PTPRN2: variants seen among roughly 807,000 people sequenced by gnomAD.
The protein encoded by PTPRN2 is receptor-type tyrosine-protein phosphatase N2.
In PTPRN2, 74 loss-of-function variants were observed where a neutral mutation model predicts 118.8. The ratio of observed to expected loss-of-function variants is 0.62; its 90% confidence interval spans 0.52 to 0.76. The LOEUF is 0.76. Ranked by LOEUF, PTPRN2 falls within the 30% of genes least tolerant of loss-of-function variation. The pLI is 0.00. For missense variants in PTPRN2, 1,481 were observed against 1,394.4 expected, an observed-to-expected ratio of 1.06 and a Z score of -0.99; for synonymous variants, 641 against 608.0, an observed-to-expected ratio of 1.05 and a Z score of -0.80.
chr7:158,119,192 C>T (rs1816953520), intron 9 of PTPRN2, among the ~76,000 whole-genome samples: 1 of 152,158 alleles, frequency 6.6e-6, no homozygotes, highest in South Asian at 2.1e-4. Context: ...CAAACAATAC[C>T]ATTTAAAAAT....
At chr7:157,540,856 C>A in intron 22 of PTPRN2, 71 bp from the exon 23 acceptor site, 1 of 1,275,714 alleles carries the variant, frequency 7.8e-7, no homozygotes, top group Non-Finnish European at 1.1e-6. Context: ...AGCGTCGGCT[C>A]CCTGCAGATG....
At chr7:158,235,827 A>AT (rs34028093) in intron 3 of PTPRN2, among the ~76,000 whole-genome samples, 1 of 152,208 alleles carries the variant, frequency 6.6e-6, no homozygotes, top group Non-Finnish European at 1.5e-5. Flanking sequence ...ATACAATGGT[A>AT]TTAAATTATC....
intron 12 of PTPRN2, among the ~76,000 whole-genome samples, chr7:157,696,408 A>G (rs1797777930): frequency 1.6e-5 from 2 of 122,188 alleles, no homozygotes; most frequent in African/African-American, 6.7e-5. Context: ...ACTGGGTCTT[A>G]GTAGAGCCCT....
chr7:157,662,705 G>A (rs1795951754), intron 13 of PTPRN2, among the ~76,000 whole-genome samples: 1 of 152,164 alleles, frequency 6.6e-6, no homozygotes, highest in Admixed American at 6.5e-5. Flanking sequence ...GAGAGAGAAG[G>A]GGCCGCCACT....
intron 13 of PTPRN2, among the ~76,000 whole-genome samples, chr7:157,679,515 T>C (rs1209432896): frequency 1.3e-5 from 2 of 152,240 alleles, no homozygotes; most frequent in Admixed American, 1.3e-4. Context: ...TCTAACATCC[T>C]GACCCTGTCC....
chr7:158,075,905 C>T (rs1327642075), intron 11 of PTPRN2, among the ~76,000 whole-genome samples: 1 of 152,236 alleles, frequency 6.6e-6, no homozygotes, highest in East Asian at 1.9e-4. Flanking sequence ...ACACAGCGGC[C>T]CACGTGCAGC....
At chr7:158,409,234 T>C (rs115092788) in intron 2 of PTPRN2, among the ~76,000 whole-genome samples, 3,070 of 152,300 alleles carry the variant, frequency 0.02, 86 homozygotes, top group African/African-American at 0.069. Flanking sequence ...TGGCAGATCC[T>C]GTGGGGCCCA....
intron 11 of PTPRN2, 21 bp from the exon 12 acceptor site, chr7:157,898,758 G>C: frequency 6.3e-7 from 1 of 1,576,388 alleles, no homozygotes; most frequent in African/African-American, 1.3e-5. Flanking sequence ...AAATCAGAAA[G>C]CACAAGAGTC....
intron 10 of PTPRN2, among the ~76,000 whole-genome samples, chr7:158,102,096 G>A (rs780104220): frequency 1.9e-4 from 29 of 152,278 alleles, no homozygotes; most frequent in Admixed American, 2.6e-4. Context: ...GGCAGGCACT[G>A]AGCCCAGGTG....
chr7:157,752,152 G>A (rs1801508700), intron 12 of PTPRN2, among the ~76,000 whole-genome samples: 1 of 152,244 alleles, frequency 6.6e-6, no homozygotes, highest in Non-Finnish European at 1.5e-5. Flanking sequence ...CCACCTGCCT[G>A]CTGTGTCTGC....
chr7:157,597,470 A>ATGTGTG (rs111696000), intron 16 of PTPRN2, among the ~76,000 whole-genome samples: 8 of 123,992 alleles, frequency 6.5e-5, no homozygotes, highest in African/African-American at 2.7e-4. Flanking sequence ...TCCTTCTGAA[A>ATGTGTG]TGTGTGTGTG....
chr7:158,054,536 T>C (rs1809633151), intron 11 of PTPRN2, among the ~76,000 whole-genome samples: 1 of 152,244 alleles, frequency 6.6e-6, no homozygotes, highest in African/African-American at 2.4e-5. Context: ...TGATTATTCA[T>C]GCAACGAACA....
chr7:157,970,234 T>C (rs544187848), intron 11 of PTPRN2, among the ~76,000 whole-genome samples: 71 of 152,184 alleles, frequency 4.7e-4, no homozygotes, highest in Non-Finnish European at 9.1e-4. Flanking sequence ...CCCTATGAAC[T>C]CCCCAAGAGC....
intron 2 of PTPRN2, among the ~76,000 whole-genome samples, chr7:158,414,954 A>G (rs1291513045): frequency 1.3e-5 from 2 of 152,226 alleles, no homozygotes; most frequent in Non-Finnish European, 2.9e-5. Context: ...CACTCCAGCC[A>G]TAATACAACC....
At chr7:158,541,487 C>A in intron 1 of PTPRN2, 6 of 1,352,156 alleles carry the variant, frequency 4.4e-6, no homozygotes, top group Non-Finnish European at 5.9e-6. Context: ...TCTCCCTCGT[C>A]TGTGGACCTG....
chr7:158,178,119 T>C (rs1458419117), intron 5 of PTPRN2, among the ~76,000 whole-genome samples: 1 of 152,240 alleles, frequency 6.6e-6, no homozygotes, highest in East Asian at 1.9e-4. Flanking sequence ...ATTTCCATAA[T>C]GAGGAATGAT....
At chr7:158,030,377 T>C (rs1386023207) in intron 11 of PTPRN2, 1 of 152,204 alleles carries the variant, frequency 6.6e-6, no homozygotes, top group Admixed American at 6.5e-5. Context: ...TCGGGGACTA[T>C]GTCCCCCAGC....
rs754697745 is a variant in PTPRN2, at chr7:158,138,435, C to T, written c.991G>A (p.Gly331Ser). 1.7e-5 allele frequency: 28 copies of T among 1,613,260 alleles called. No individual in the cohort carries two copies. The highest frequency in any genetic ancestry group is 1.5e-4 in the Admixed American group (9 of 60,010). Reference sequence around the variant, plus strand: ...AGGCCAGCCATCAGCTCAGCCATGCCGTCCAGCTCCAGGCCACTCAGGCCC... The same window carrying T: ...AGGCCAGCCATCAGCTCAGCCATGCTGTCCAGCTCCAGGCCACTCAGGCCC... The part of the protein sequence containing the change: ...VRGLSGLELD[G>S]MAELMAGLMQ... The change falls in exon 7 of 23, where the codon GGC (glycine) becomes AGC (serine). Residue 331 changes from glycine (G) to serine (S), a missense_variant. Transcript: ENST00000389418.
intron 14 of PTPRN2, among the ~76,000 whole-genome samples, chr7:157,628,305 C>T (rs983430227): frequency 1.3e-5 from 2 of 152,206 alleles, no homozygotes; most frequent in Non-Finnish European, 2.9e-5. Flanking sequence ...ATGGTCAACA[C>T]CTTGAGGTCA....
Sources: gnomAD v4.1 joint callset for allele counts (sites outside exome capture counted in the v4.1 genomes callset) on GRCh38, gnomAD v4.1.1 for gene constraint, MANE v1.5 for transcripts, NCBI Gene and HGNC (gene_info 2026-07-23, HGNC 2026-07-21) for gene names.